The following ARHGEF28 variants were observed in gnomAD, a reference collection of about 807,000 sequenced individuals.
ARHGEF28 encodes the protein Rho guanine nucleotide exchange factor 28.
A neutral mutation model predicts 206.6 loss-of-function variants in ARHGEF28; 152 were observed. The observed-to-expected ratio is 0.74, with a 90% CI of 0.64 to 0.84. ARHGEF28 has a LOEUF of 0.84. ARHGEF28 is among the 40% of genes least tolerant of loss of function. The pLI is 0.00. For synonymous variants in ARHGEF28, 763 were observed against 776.4 expected, an observed-to-expected ratio of 0.98 and a Z score of 0.29; for missense variants, 2,028 against 2,073.2, an observed-to-expected ratio of 0.98 and a Z score of 0.42.
chr5:73,867,227 A>T (rs1278339337), intron 18 of ARHGEF28, among the ~76,000 whole-genome samples: 1 of 152,200 alleles, frequency 6.6e-6, no homozygotes, highest in Non-Finnish European at 1.5e-5. Context: ...GAGAATGTAT[A>T]TGCTACACAG....
intron 30 of ARHGEF28, 194 bp from the exon 31 acceptor site, chr5:73,900,990 A>C (rs1038133387): frequency 7.9e-6 from 4 of 505,658 alleles, no homozygotes; most frequent in Non-Finnish European, 3.6e-6. Context: ...GTTAGCGTGT[A>C]AGCCCCATGT....
At chr5:73,834,528 G>A (rs910889633) in intron 10 of ARHGEF28, among the ~76,000 whole-genome samples, 1 of 147,194 alleles carries the variant, frequency 6.8e-6, no homozygotes. Context: ...CTTTTCTAGG[G>A]CTGAATAATA....
intron 4 of ARHGEF28, 72 bp from the exon 5 acceptor site, chr5:73,773,783 C>A: frequency 7.5e-7 from 1 of 1,338,260 alleles, no homozygotes; most frequent in African/African-American, 1.5e-5. Flanking sequence ...ATACACTGTC[C>A]CTTTGATAAA....
chr5:73,696,030 T>C (rs1182822129), intron 2 of ARHGEF28, among the ~76,000 whole-genome samples: 1 of 152,222 alleles, frequency 6.6e-6, no homozygotes, highest in Non-Finnish European at 1.5e-5. Context: ...TGGATAGCTA[T>C]GCATTTGGCC....
At chr5:73,734,407 C>T (rs1394639602) in intron 2 of ARHGEF28, among the ~76,000 whole-genome samples, 1 of 152,026 alleles carries the variant, frequency 6.6e-6, no homozygotes, top group Non-Finnish European at 1.5e-5. Flanking sequence ...GGTATGAAAT[C>T]CTGAGGATTT....
intron 35 of ARHGEF28, among the ~76,000 whole-genome samples, chr5:73,934,673 C>T (rs1419343998): frequency 2.6e-5 from 4 of 152,130 alleles, no homozygotes; most frequent in Admixed American, 1.3e-4. Context: ...ACAACGCTGT[C>T]GGGTACACTG....
Position 73,909,542 on chromosome 5 carries a change from A to T in ARHGEF28, c.4292A>T (p.Asp1431Val), listed in dbSNP as rs572242968. The T allele has an allele frequency of 9.4e-6, 15 of 1,588,386 alleles. 1 individual carries two copies. In the South Asian group the frequency reaches 1.7e-4, roughly 18 times the overall value. ...PLQDQKSRDADRQHEELANVH... is the reference protein window; with the variant it reads ...PLQDQKSRDAVRQHEELANVH... Reference sequence around the variant, plus strand: ...CAGGACCAGAAGTCTCGCGACGCGGACAGGCAGCATGAGGAGCTGGCCAAT... The same window carrying T: ...CAGGACCAGAAGTCTCGCGACGCGGTCAGGCAGCATGAGGAGCTGGCCAAT... The change falls in exon 34 of 36, where the codon GAC becomes GTC. Residue 1431 changes from aspartate to valine, a missense_variant. Asp to Val is a radical substitution (Grantham distance 152). This residue lies in a region of ARHGEF28 where 803 missense variants were observed against 768.0 expected (regional missense o/e 1.05). Transcript: ENST00000513042.
intron 9 of ARHGEF28, among the ~76,000 whole-genome samples, chr5:73,805,867 C>T (rs1252651550): frequency 6.6e-6 from 1 of 151,934 alleles, no homozygotes; most frequent in Non-Finnish European, 1.5e-5. Flanking sequence ...CGAGCCTGCC[C>T]GTTTTTTCTT....
intron 2 of ARHGEF28, 127 bp downstream of exon 2, chr5:73,685,011 C>A: frequency 1.1e-6 from 1 of 929,302 alleles, no homozygotes; most frequent in Non-Finnish European, 1.6e-6. Context: ...ACACACTGAG[C>A]GTTACTGTCT....
At chr5:73,815,347 A>T (rs12656282) in intron 9 of ARHGEF28, among the ~76,000 whole-genome samples, 11,911 of 151,952 alleles carry the variant, frequency 0.078, 807 homozygotes, top group African/African-American at 0.18. Flanking sequence ...CAGCTTTTTT[A>T]AAAAAAATAG....
intron 1 of ARHGEF28, among the ~76,000 whole-genome samples, chr5:73,675,594 G>C (rs191990268): frequency 6.6e-6 from 1 of 151,900 alleles, no homozygotes; most frequent in African/African-American, 2.4e-5. Context: ...TTAGCTGGGC[G>C]TGGTGACGGG....
At chr5:73,812,367 A>C (rs1372119799) in intron 9 of ARHGEF28, among the ~76,000 whole-genome samples, 2 of 152,224 alleles carry the variant, frequency 1.3e-5, no homozygotes, top group African/African-American at 2.4e-5. Flanking sequence ...CTGCAGACTT[A>C]ATGGATCCTC....
At chr5:73,813,548 G>T (rs1323882754) in intron 9 of ARHGEF28, 1 of 1,534,526 alleles carries the variant, frequency 6.5e-7, no homozygotes, top group South Asian at 1.2e-5. Flanking sequence ...TTCTTCCTGA[G>T]TCTCTACTGT....
chr5:73,691,276 A>T (rs1249424814), intron 2 of ARHGEF28, among the ~76,000 whole-genome samples: 1 of 142,756 alleles, frequency 7.0e-6, no homozygotes, highest in East Asian at 2.1e-4. Context: ...GTAAACACTA[A>T]AATTTGTTTG....
At chr5:73,841,909 C>T (rs1405724328) in intron 11 of ARHGEF28, among the ~76,000 whole-genome samples, 1 of 151,912 alleles carries the variant, frequency 6.6e-6, no homozygotes, top group Non-Finnish European at 1.5e-5. Flanking sequence ...TTTTATTTAA[C>T]ATATGTTTGT....
At chr5:73,683,523 C>T (rs1486051472) in intron 1 of ARHGEF28, among the ~76,000 whole-genome samples, 1 of 152,036 alleles carries the variant, frequency 6.6e-6, no homozygotes, top group Non-Finnish European at 1.5e-5. Flanking sequence ...CCAATTGTAG[C>T]ATGTGTTGGA....
At chr5:73,940,552 T>G (rs938503163) in intron 35 of ARHGEF28, among the ~76,000 whole-genome samples, 5 of 152,196 alleles carry the variant, frequency 3.3e-5, no homozygotes, top group Non-Finnish European at 5.9e-5. Flanking sequence ...CTTTCACCCA[T>G]TTTAAAAAAT....
At chr5:73,829,361 A>G (rs1417647104) in intron 9 of ARHGEF28, among the ~76,000 whole-genome samples, 4 of 152,114 alleles carry the variant, frequency 2.6e-5, no homozygotes, top group African/African-American at 9.7e-5. Flanking sequence ...TTTTGTTTGC[A>G]TGATTTCAGT....
chr5:73,712,454 C>T (rs1046035227), intron 2 of ARHGEF28, among the ~76,000 whole-genome samples: 4 of 152,148 alleles, frequency 2.6e-5, no homozygotes, highest in Non-Finnish European at 5.9e-5. Flanking sequence ...TTCTCTGCCT[C>T]TTGGTAGAGT....
Sources: allele counts gnomAD v4.1 joint callset (sites outside exome capture counted in the v4.1 genomes callset), GRCh38; gene constraint gnomAD v4.1.1; regional missense constraint gnomAD v4.1.1; transcripts MANE v1.5; gene names NCBI Gene and HGNC (gene_info 2026-07-23, HGNC 2026-07-21).